Variants in PCDHA3 observed in about 807,000 individuals in gnomAD.
PCDHA3 encodes protocadherin alpha 3.
A neutral mutation model predicts 62.2 loss-of-function variants in PCDHA3; 41 were observed. That is an observed-to-expected ratio of 0.66 (90% CI 0.51 to 0.86). The LOEUF (loss-of-function observed/expected upper bound fraction) is 0.86. Ranked by LOEUF, PCDHA3 falls within the 40% of genes least tolerant of loss-of-function variation. The pLI, the probability that PCDHA3 is intolerant of heterozygous loss-of-function variation, is 0.00. For missense variants in PCDHA3, 1,304 were observed against 1,241.2 expected (o/e 1.05, Z -0.76); for synonymous variants, 640 against 555.4 (o/e 1.15, Z -2.14).
chr5:140,928,468 G>A, intron 1 of PCDHA3: 1 of 1,614,154 alleles, frequency 6.2e-7, no homozygotes. Flanking sequence ...TTTCCAAGTA[G>A]AAGGCCGGGA....
In PCDHA3 at chr5:140,801,063, T is replaced by C. The variant is rs1483974939; in HGVS notation, c.-135T>C. On this transcript the variant is annotated 5_prime_UTR_variant, in exon 1 of 4. Transcript: ENST00000522353. ...AAAAGAAATAACAGCGTGCATTACG[T>C]ATTCAGATACTGCTTTGCTTCATCC... 1 of 1,457,436 alleles carries C rather than the reference T, an allele frequency of 6.9e-7. No homozygotes were observed. The highest frequency in any genetic ancestry group is 9.0e-7 in the Non-Finnish European group (1 of 1,110,880). The allele number at this position is 1,457,436 out of a possible 1,614,324, so 90.3% of individuals were successfully genotyped here. A position where few individuals can be genotyped will look rare whatever the true frequency, so the allele number is the denominator to read the frequency against.
At chr5:140,876,868 G>A in intron 1 of PCDHA3, 7 of 1,614,160 alleles carry the variant, frequency 4.3e-6, no homozygotes, top group Non-Finnish European at 5.9e-6. Context: ...GTTCGTGAAG[G>A]AGAACAACCC....
intron 1 of PCDHA3, chr5:140,836,302 C>G: frequency 1.9e-6 from 3 of 1,613,734 alleles, no homozygotes; most frequent in East Asian, 2.2e-5. Flanking sequence ...CTAGATGAGA[C>G]GGACGCACCG....
intron 1 of PCDHA3, among the ~76,000 whole-genome samples, chr5:140,944,212 G>A (rs2093625655): frequency 6.6e-6 from 1 of 152,158 alleles, no homozygotes; most frequent in Non-Finnish European, 1.5e-5. Flanking sequence ...TTTTTAAAGA[G>A]GGTTTTACTC....
At chr5:140,976,888 A>C (rs1050816491) in intron 1 of PCDHA3, among the ~76,000 whole-genome samples, 1 of 152,218 alleles carries the variant, frequency 6.6e-6, no homozygotes, top group Non-Finnish European at 1.5e-5. Context: ...ATTAGGATAC[A>C]TGCAACAGTA....
chr5:140,870,949 G>A (rs1554164920), intron 1 of PCDHA3: 2 of 1,613,686 alleles, frequency 1.2e-6, no homozygotes, highest in East Asian at 2.2e-5. Context: ...GGCGGCGGGC[G>A]GCTCGCGCAT....
intron 1 of PCDHA3, chr5:140,821,808 C>T: frequency 6.2e-7 from 1 of 1,613,554 alleles, no homozygotes; most frequent in Non-Finnish European, 8.5e-7. Flanking sequence ...GTCTGGGATC[C>T]CGGCTCCTGC....
In PCDHA3 at chr5:140,843,327, T is replaced by C. The variant is rs2150357538; in HGVS notation, c.2394+39736T>C. On this transcript the variant is annotated intron_variant, in intron 1 of 3. Coordinates refer to ENST00000522353, the MANE Select transcript of PCDHA3 (RefSeq NM_018906.3). ...GCCACGGCCACGGTTCTGGTGTCGC[T>C]GGTGGAGAGCGGCCAGGCTCCAAAA... 16 of 1,595,936 alleles carry C rather than the reference T, an allele frequency of 1.0e-5. No individual in the cohort carries two copies. In the South Asian group the frequency reaches 1.5e-4, roughly 15 times the overall value.
intron 1 of PCDHA3, chr5:140,828,120 G>A (rs1182345858): frequency 2.5e-6 from 4 of 1,612,674 alleles, no homozygotes; most frequent in Non-Finnish European, 3.4e-6. Context: ...GATAGATTGG[G>A]AAAGCAATGT....
Position 140,911,260 on chromosome 5 carries a change from A to G in PCDHA3, c.2395-67689A>G, listed in dbSNP as rs1178961396. On this transcript the variant is annotated intron_variant, in intron 1 of 3. Transcript: ENST00000522353. ...AAAAAAAGTTTCATCAGAATTTATA[A>G]TCTCAGTGTCCCCAGCTTCATCAGG... is the stretch of plus-strand genomic sequence containing the variant. Among the ~76,000 whole-genome samples, 8 of 152,222 alleles carry G rather than the reference A, an allele frequency of 5.3e-5. 1 individual carries two copies. The highest frequency in any genetic ancestry group is 1.9e-4 in the African/African-American group (8 of 41,520).
At position 140,858,022 on chromosome 5, in the gene PCDHA3, G is replaced by T; in HGVS notation, c.2394+54431G>T. 2.5e-6 allele frequency: 4 copies of T among 1,597,054 alleles called. 1 individual carries two copies. The highest frequency in any genetic ancestry group is 1.3e-5 in the African/African-American group (1 of 74,416). On this transcript the variant is annotated intron_variant, in intron 1 of 3. Transcript: ENST00000522353. The stretch of plus-strand genomic sequence containing the variant: ...TGAAGGACCATGGCGAGCCGTCGCT[G>T]ACGGCCACGGCCACTGTGCTTGTGT...
Position 140,835,755 on chromosome 5 carries a change from C to T in PCDHA3, c.2394+32164C>T, listed in dbSNP as rs2150244114. Reference sequence around the variant, plus strand: ...CGACAACGCCCCGGCGTTCGCGCAGCCCGAGTATACGGTGTTCGTGAAGGA... The same window carrying T: ...CGACAACGCCCCGGCGTTCGCGCAGTCCGAGTATACGGTGTTCGTGAAGGA... On this transcript the variant is annotated intron_variant, in intron 1 of 3. Coordinates refer to ENST00000522353, the MANE Select transcript of PCDHA3 (RefSeq NM_018906.3). 3.7e-6 allele frequency: 6 copies of T among 1,613,528 alleles called. No homozygotes were observed. Among genetic ancestry groups the T allele is most frequent in the Admixed American group, 3.3e-5 (2 of 60,022 alleles).
chr5:140,922,158 A>G (rs1318778340), intron 1 of PCDHA3, among the ~76,000 whole-genome samples: 1 of 149,104 alleles, frequency 6.7e-6, no homozygotes, highest in South Asian at 2.2e-4. Flanking sequence ...CATCAAAAAC[A>G]ACAAAAAGTA....
chr5:140,849,565 T>C (rs2040964471), intron 1 of PCDHA3: 4 of 1,598,566 alleles, frequency 2.5e-6, no homozygotes, highest in South Asian at 2.2e-5. Context: ...ACGCTCTCGG[T>C]TCCTGTAAAA....
At chr5:140,878,225 A>G (rs1554170330) in intron 1 of PCDHA3, 1 of 156,262 alleles carries the variant, frequency 6.4e-6, no homozygotes, top group Non-Finnish European at 1.4e-5. Context: ...CCTAGATCCC[A>G]TTAATGGATT....
At chr5:140,881,147 A>G (rs982102013) in intron 1 of PCDHA3, among the ~76,000 whole-genome samples, 3 of 152,238 alleles carry the variant, frequency 2.0e-5, no homozygotes, top group Non-Finnish European at 4.4e-5. Context: ...ATAACAATAG[A>G]TAAAAGTAAG....
intron 1 of PCDHA3, among the ~76,000 whole-genome samples, chr5:140,945,159 A>G (rs1341706509): frequency 2.0e-5 from 3 of 152,178 alleles, no homozygotes; most frequent in Non-Finnish European, 4.4e-5. Flanking sequence ...TACACTATTG[A>G]ACTATCTGAA....
rs2150469634 is a variant in PCDHA3, at chr5:140,850,145, G to A, written c.2394+46554G>A. 7 of 1,595,444 alleles carry A rather than the reference G, an allele frequency of 4.4e-6. No individual in the cohort carries two copies. The African/African-American group carries it at 5.4e-5, about 12-fold the overall frequency. ...TGCCGCCTCTGGGCAGCAACGTGACGCTGCAGGTGTTCGTGCTGGACGAGA... is the reference window on the plus strand; with the variant it reads ...TGCCGCCTCTGGGCAGCAACGTGACACTGCAGGTGTTCGTGCTGGACGAGA... On this transcript the variant is annotated intron_variant, in intron 1 of 3. Coordinates refer to ENST00000522353, the MANE Select transcript of PCDHA3 (RefSeq NM_018906.3).
chr5:140,835,773 G>A (rs1554135255), intron 1 of PCDHA3: 5 of 1,613,392 alleles, frequency 3.1e-6, no homozygotes, highest in Admixed American at 3.3e-5. Flanking sequence ...TACGGTGTTC[G>A]TGAAGGAGAA....
Sources: allele counts gnomAD v4.1 joint callset (sites outside exome capture counted in the v4.1 genomes callset), GRCh38; gene constraint gnomAD v4.1.1; transcripts MANE v1.5; gene names NCBI Gene and HGNC (gene_info 2026-07-23, HGNC 2026-07-21).